TMEM178B: variants seen among roughly 807,000 people sequenced by gnomAD.
The protein encoded by TMEM178B is transmembrane protein 178B.
Under a neutral mutation model 31.0 loss-of-function variants are expected in TMEM178B, and 5 were observed. The ratio of observed to expected loss-of-function variants is 0.16; its 90% CI spans 0.08 to 0.34. The LOEUF (loss-of-function observed/expected upper bound fraction) is 0.34, where lower values mean the gene tolerates loss of function less well. Among genes scored for constraint, TMEM178B ranks in the 10% least tolerant of loss-of-function variants. The pLI is 1.00. For missense variants in TMEM178B, 275 were observed against 400.3 expected (o/e 0.69, Z 2.67); for synonymous variants, 164 against 164.0 (o/e 1.00, Z 0.00).
chr7:141,091,389 G>A (rs1446171571), intron 1 of TMEM178B, among the ~76,000 whole-genome samples: 2 of 152,184 alleles, frequency 1.3e-5, no homozygotes, highest in Non-Finnish European at 2.9e-5. Context: ...TAGGAACCCA[G>A]TGGTCTATTT....
chr7:141,110,066 T>C (rs1220164409), intron 1 of TMEM178B, among the ~76,000 whole-genome samples: 1 of 152,168 alleles, frequency 6.6e-6, no homozygotes, highest in African/African-American at 2.4e-5. Context: ...ATCCAATTTA[T>C]AGGAAAAAAG....
intron 2 of TMEM178B, among the ~76,000 whole-genome samples, chr7:141,337,471 G>A (rs1232498949): frequency 6.6e-6 from 1 of 151,988 alleles, no homozygotes; most frequent in Non-Finnish European, 1.5e-5. Context: ...ATTTACTCAG[G>A]TAATTGTCAA....
intron 1 of TMEM178B, among the ~76,000 whole-genome samples, chr7:141,078,153 T>C (rs1360912128): frequency 6.6e-6 from 1 of 152,146 alleles, no homozygotes; most frequent in African/African-American, 2.4e-5. Flanking sequence ...CTGCAGGCAC[T>C]GGGGACAGAT....
chr7:141,412,689 C>T (rs373154118), intron 2 of TMEM178B, among the ~76,000 whole-genome samples: 63 of 152,312 alleles, frequency 4.1e-4, no homozygotes, highest in African/African-American at 1.4e-3. Flanking sequence ...CAGTGCTCAG[C>T]GGAGCTCGGG....
At chr7:141,239,010 A>G (rs1299879730) in intron 2 of TMEM178B, among the ~76,000 whole-genome samples, 1 of 152,178 alleles carries the variant, frequency 6.6e-6, no homozygotes. Flanking sequence ...ATATTTCACA[A>G]TAATCATCAC....
chr7:141,246,476 C>T (rs1416950167), intron 2 of TMEM178B, among the ~76,000 whole-genome samples: 1 of 152,194 alleles, frequency 6.6e-6, no homozygotes, highest in African/African-American at 2.4e-5. Flanking sequence ...ACAAGAAGAT[C>T]TTCAATAAAA....
the TMEM178B span, among the ~76,000 whole-genome samples, chr7:141,505,575 A>G: frequency 6.6e-6 from 1 of 152,282 alleles, no homozygotes; most frequent in Middle Eastern, 3.4e-3. Flanking sequence ...TAAGTTTCTT[A>G]TAGTTAATAT....
intron 2 of TMEM178B, among the ~76,000 whole-genome samples, chr7:141,340,591 T>C (rs910978770): frequency 2.6e-5 from 4 of 152,210 alleles, no homozygotes; most frequent in Non-Finnish European, 5.9e-5. Context: ...AGGAATCCGA[T>C]TGTGGCCATA....
At chr7:141,144,334 A>ATTTAT (rs1270065006) in intron 1 of TMEM178B, among the ~76,000 whole-genome samples, 4 of 152,168 alleles carry the variant, frequency 2.6e-5, no homozygotes, top group African/African-American at 7.2e-5. Context: ...TCTGGCTGGT[A>ATTTAT]TTTATTTTAT....
intron 2 of TMEM178B, among the ~76,000 whole-genome samples, chr7:141,256,210 A>C (rs1032543873): frequency 6.6e-6 from 1 of 152,240 alleles, no homozygotes; most frequent in Non-Finnish European, 1.5e-5. Flanking sequence ...GCTCTGATAC[A>C]TTCCAATATA....
chr7:141,505,964 C>T, the TMEM178B span, among the ~76,000 whole-genome samples: 3 of 152,238 alleles, frequency 2.0e-5, no homozygotes, highest in South Asian at 4.1e-4. Flanking sequence ...CAAGGGTATA[C>T]CCCTCTGCTG....
chr7:141,105,736 C>T (rs1224401273), intron 1 of TMEM178B, among the ~76,000 whole-genome samples: 1 of 152,158 alleles, frequency 6.6e-6, no homozygotes, highest in African/African-American at 2.4e-5. Flanking sequence ...ACGATGAAAG[C>T]AAAGCCAGAA....
rs911621614 is a variant in TMEM178B, at chr7:141,157,050, T to G, written c.383-55541T>G. 1.6e-4 allele frequency among the ~76,000 whole-genome samples: 24 copies of G among 152,288 alleles called. No individual in the cohort carries two copies. In the East Asian group the frequency reaches 1.9e-3, roughly 12 times the overall value. ...GTTTTCTGGGGCCAGCAGACGACCC[T>G]GAGTATATCCTTCTCTTAGCAGTGG... is the stretch of plus-strand genomic sequence containing the variant. On this transcript the variant is annotated intron_variant, in intron 1 of 3. Transcript: ENST00000565468.
rs554634627 is a variant in TMEM178B, at chr7:141,198,763, G to A, written c.383-13828G>A. Among the ~76,000 whole-genome samples, 6 of 152,202 alleles carry A rather than the reference G, an allele frequency of 3.9e-5. No individual in the cohort carries two copies. The South Asian group carries it at 6.2e-4, about 16-fold the overall frequency. On this transcript the variant is annotated intron_variant, in intron 1 of 3. Coordinates refer to ENST00000565468, the MANE Select transcript of TMEM178B (RefSeq NM_001195278.2). ...AAAAACCAGATCTGGTCTCCTTCTC[G>A]CCTCGTTTGTCTGTCAGAGCCTGGA... is the stretch of plus-strand genomic sequence containing the variant.
intron 1 of TMEM178B, among the ~76,000 whole-genome samples, chr7:141,192,055 A>G (rs1028079699): frequency 2.0e-5 from 3 of 152,218 alleles, no homozygotes; most frequent in African/African-American, 7.2e-5. Flanking sequence ...AGGGCTATCC[A>G]GTTTACTGAA....
chr7:141,333,112 C>T (rs1307517883), intron 2 of TMEM178B, among the ~76,000 whole-genome samples: 1 of 152,228 alleles, frequency 6.6e-6, no homozygotes, highest in Non-Finnish European at 1.5e-5. Flanking sequence ...ACATCTACTT[C>T]TTCCAGATCT....
At chr7:141,288,819 C>A (rs1798494603) in intron 2 of TMEM178B, among the ~76,000 whole-genome samples, 1 of 152,206 alleles carries the variant, frequency 6.6e-6, no homozygotes, top group African/African-American at 2.4e-5. Flanking sequence ...TTGTTCCTTA[C>A]CTTGCGTTCT....
chr7:141,075,760 C>A (rs949855261), intron 1 of TMEM178B, among the ~76,000 whole-genome samples: 3 of 152,122 alleles, frequency 2.0e-5, no homozygotes, highest in Non-Finnish European at 4.4e-5. Context: ...GACAAAGATA[C>A]TATTATTTGC....
At chr7:141,276,195 G>A (rs191202843) in intron 2 of TMEM178B, among the ~76,000 whole-genome samples, 14 of 152,280 alleles carry the variant, frequency 9.2e-5, no homozygotes, top group Non-Finnish European at 1.8e-4. Flanking sequence ...GAGGGTCATA[G>A]AGAGCCGGGT....
Sources: allele counts gnomAD v4.1 joint callset (sites outside exome capture counted in the v4.1 genomes callset), GRCh38; gene constraint gnomAD v4.1.1; transcripts MANE v1.5; gene names NCBI Gene and HGNC (gene_info 2026-07-23, HGNC 2026-07-21).